SLC9A3: variants seen among roughly 807,000 people sequenced by gnomAD.
SLC9A3 encodes the protein solute carrier family 9 member A3, also known as sodium/hydrogen exchanger 3.
In SLC9A3, 37 loss-of-function variants were observed where a neutral mutation model predicts 86.8. The ratio of observed to expected loss-of-function variants is 0.43; its 90% CI spans 0.33 to 0.56. The LOEUF is 0.56. SLC9A3 is among the 20% of genes least tolerant of loss of function. The probability of loss-of-function intolerance (pLI) is 0.06; values close to 1 mark genes in which losing one functional copy is unlikely to be tolerated. For synonymous variants in SLC9A3, 581 were observed against 528.3 expected, an observed-to-expected ratio of 1.10 and a Z score of -1.37; for missense variants, 1,011 against 1,171.9, an observed-to-expected ratio of 0.86 and a Z score of 2.00.
intron 1 of SLC9A3, among the ~76,000 whole-genome samples, chr5:523,212 G>A (rs1240068953): frequency 6.6e-6 from 1 of 152,160 alleles, no homozygotes; most frequent in Non-Finnish European, 1.5e-5. Flanking sequence ...GGCGTACCAG[G>A]TTCCACCAAG....
chr5:499,647 T>C (rs1012729310), intron 1 of SLC9A3, among the ~76,000 whole-genome samples: 1 of 152,234 alleles, frequency 6.6e-6, no homozygotes. Context: ...GCCCAGTGCC[T>C]GATGCCGTCT....
intron 1 of SLC9A3, among the ~76,000 whole-genome samples, chr5:508,637 C>T (rs896816715): frequency 6.1e-5 from 9 of 148,566 alleles, no homozygotes; most frequent in Admixed American, 4.7e-4. Context: ...GGAGATGCCG[C>T]GGGGAGACAC....
Position 524,250 on chromosome 5 carries a change from C to T in SLC9A3, c.73G>A (p.Ala25Thr). Residue 25 changes from alanine (A) to threonine (T), a missense_variant, in exon 1 of 17, where the codon GCC (alanine) becomes ACC (threonine). Physicochemically the swap from Ala to Thr is moderately conservative, Grantham distance 58 (BLOSUM62 0). This residue lies in a region of SLC9A3 where 49 missense variants were observed against 35.6 expected (regional missense o/e 1.38). Coordinates refer to ENST00000264938, the MANE Select transcript of SLC9A3 (RefSeq NM_004174.4). ...LALALGGLAR[A>T]GGVEVEPGGA... ...CCGGGCTCCACCTCGACGCCCCCGG[C>T]CCGCGCCAGCCCGCCCAGCGCCAGC... 1 of 1,428,532 alleles carries T rather than the reference C, an allele frequency of 7.0e-7. No homozygotes were observed. Among genetic ancestry groups the T allele is most frequent in the South Asian group, 1.5e-5 (1 of 68,690 alleles). The allele number at this position is 1,428,532 out of a possible 1,614,324, so 88.5% of individuals were successfully genotyped here. A position where few individuals can be genotyped will look rare whatever the true frequency, so the allele number is the denominator to read the frequency against.
intron 1 of SLC9A3, among the ~76,000 whole-genome samples, chr5:512,750 C>T (rs1733594934): frequency 6.6e-6 from 1 of 152,134 alleles, no homozygotes; most frequent in South Asian, 2.1e-4. Flanking sequence ...TGGAGAAGGC[C>T]AGGCTGAGGG....
intron 7 of SLC9A3, 40 bp downstream of exon 7, chr5:482,508 G>A (rs760419734): frequency 8.5e-6 from 13 of 1,529,884 alleles, no homozygotes; most frequent in Non-Finnish European, 1.1e-5. Context: ...CCCCTCGCGG[G>A]CGGGGCCGAG....
Position 490,795 on chromosome 5 carries a change from C to T in SLC9A3, c.514+974G>A, listed in dbSNP as rs1395880518. 2.0e-5 allele frequency among the ~76,000 whole-genome samples: 3 copies of T among 152,352 alleles called. No individual in the cohort carries two copies. The East Asian group carries it at 5.8e-4, about 29-fold the overall frequency. On this transcript the variant is annotated intron_variant, in intron 2 of 16. Coordinates refer to ENST00000264938, the MANE Select transcript of SLC9A3 (RefSeq NM_004174.4). ...CCTATGGCATCGCCCACGTGACGGG[C>T]CTGCCATCCATGAGCCTGTCTGTGC...
chr5:477,045 G>A (rs576829400), intron 11 of SLC9A3: 53 of 511,846 alleles, frequency 1.0e-4, no homozygotes, highest in African/African-American at 9.5e-4. Flanking sequence ...AGCAGTAAGG[G>A]TGGCATGGGG....
At chr5:488,193 C>T in intron 3 of SLC9A3, 123 bp downstream of exon 3, 1 of 1,089,242 alleles carries the variant, frequency 9.2e-7, no homozygotes, top group Non-Finnish European at 1.3e-6. Flanking sequence ...ACGGGACGCC[C>T]CCGGGAGGGG....
chr5:521,120 T>C (rs1283886052), intron 1 of SLC9A3, among the ~76,000 whole-genome samples: 1 of 152,194 alleles, frequency 6.6e-6, no homozygotes, highest in African/African-American at 2.4e-5. Context: ...CGCTGTGGAG[T>C]GGCTCCGTGG....
At chr5:508,355 C>G (rs1740712299) in intron 1 of SLC9A3, among the ~76,000 whole-genome samples, 1 of 145,664 alleles carries the variant, frequency 6.9e-6, no homozygotes, top group South Asian at 2.3e-4. Context: ...AGACGCAGGC[C>G]TCAGCGCGCC....
intron 1 of SLC9A3, among the ~76,000 whole-genome samples, chr5:523,310 C>T (rs1579836349): frequency 6.6e-6 from 1 of 152,248 alleles, no homozygotes. Context: ...ATCGAAACCT[C>T]CTCTCGCCCC....
intron 5 of SLC9A3, among the ~76,000 whole-genome samples, chr5:483,773 G>A (rs1431485142): frequency 6.6e-6 from 1 of 152,262 alleles, no homozygotes; most frequent in East Asian, 1.9e-4. Context: ...GTCTCAGGGT[G>A]GGCACTGCTG....
intron 2 of SLC9A3, 46 bp from the exon 3 acceptor site, chr5:488,522 C>CGAG: frequency 7.4e-6 from 11 of 1,480,704 alleles, no homozygotes; most frequent in Non-Finnish European, 9.9e-6. Flanking sequence ...GCCTGCCACC[C>CGAG]GAGGAGGAGG....
chr5:485,927 T>C (rs1739441281), intron 3 of SLC9A3, among the ~76,000 whole-genome samples: 1 of 152,182 alleles, frequency 6.6e-6, no homozygotes, highest in African/African-American at 2.4e-5. Context: ...AAAATCCAGC[T>C]GGGAGGGAAG....
At chr5:484,139 G>T (rs1273508951) in intron 5 of SLC9A3, among the ~76,000 whole-genome samples, 2 of 132,606 alleles carry the variant, frequency 1.5e-5, no homozygotes, top group Non-Finnish European at 3.3e-5. Context: ...GGTCCCCCTG[G>T]CTGGCTCGCC....
intron 1 of SLC9A3, among the ~76,000 whole-genome samples, chr5:519,598 A>G (rs1482840509): frequency 1.3e-5 from 2 of 152,140 alleles, no homozygotes; most frequent in Non-Finnish European, 2.9e-5. Flanking sequence ...GCTGGGTAAG[A>G]CAGCGGGGGT....
intron 1 of SLC9A3, among the ~76,000 whole-genome samples, chr5:506,552 C>A (rs1740591460): frequency 6.6e-6 from 1 of 152,182 alleles, no homozygotes; most frequent in Admixed American, 6.5e-5. Flanking sequence ...GAGCCAGACC[C>A]CACAGGTTCC....
rs1579838227 is a variant in SLC9A3, at chr5:524,306, G to A, written c.17C>T (p.Ala6Val). The A allele has an allele frequency of 2.3e-6, 3 of 1,281,626 alleles. No homozygotes were observed. The highest frequency in any genetic ancestry group is 3.9e-5 in the Admixed American group (1 of 25,862). 79.4% of individuals were successfully genotyped at this position (1,281,626 alleles called of 1,614,324 possible). A position where few individuals can be genotyped will look rare whatever the true frequency, so the allele number is the denominator to read the frequency against. The change falls in exon 1 of 17, where the codon GCC becomes GTC. Residue 6 changes from alanine to valine, a missense_variant. Coordinates refer to ENST00000264938, the MANE Select transcript of SLC9A3 (RefSeq NM_004174.4). MWGLG[A>V]RGPDRGLLLA... ...CAGCAGCCCCCGGTCGGGGCCCCGGGCCCCGAGTCCCCACATTGCCGCCTG... is the reference window on the plus strand; with the variant it reads ...CAGCAGCCCCCGGTCGGGGCCCCGGACCCCGAGTCCCCACATTGCCGCCTG...
At chr5:494,493 C>T (rs1739931694) in intron 1 of SLC9A3, among the ~76,000 whole-genome samples, 1 of 152,220 alleles carries the variant, frequency 6.6e-6, no homozygotes, top group Admixed American at 6.5e-5. Context: ...GCTCCGAGGC[C>T]TTTGGGAGTC....
Sources: allele counts gnomAD v4.1 joint callset (sites outside exome capture counted in the v4.1 genomes callset), GRCh38; gene constraint gnomAD v4.1.1; regional missense constraint gnomAD v4.1.1; transcripts MANE v1.5; gene names NCBI Gene and HGNC (gene_info 2026-07-23, HGNC 2026-07-21).